TGFBRAP1: variants seen among roughly 807,000 people sequenced by gnomAD.
The protein encoded by TGFBRAP1 is transforming growth factor beta receptor associated protein 1, also known as transforming growth factor-beta receptor-associated protein 1.
A neutral mutation model predicts 83.2 loss-of-function variants in TGFBRAP1; 20 were observed. The observed-to-expected ratio is 0.24, with a 90% confidence interval of 0.17 to 0.35. TGFBRAP1 has a LOEUF of 0.35. Ranked by LOEUF, TGFBRAP1 falls within the 10% of genes least tolerant of loss-of-function variation. The probability of loss-of-function intolerance (pLI) is 1.00; values close to 1 mark genes in which losing one functional copy is unlikely to be tolerated. For synonymous variants in TGFBRAP1, 415 were observed against 459.8 expected (o/e 0.90, Z 1.25); for missense variants, 950 against 1,099.4 (o/e 0.86, Z 1.92).
At chr2:105,277,586 A>G in intron 7 of TGFBRAP1, 28 bp downstream of exon 7, 2 of 1,612,062 alleles carry the variant, frequency 1.2e-6, no homozygotes, top group South Asian at 2.2e-5. Context: ...CTGATTTTTA[A>G]ATCATGTGGA....
At chr2:105,272,826 A>G in intron 10 of TGFBRAP1, 29 bp downstream of exon 10, 1 of 1,602,612 alleles carries the variant, frequency 6.2e-7, no homozygotes, top group Non-Finnish European at 8.5e-7. Flanking sequence ...GTTTTTTCCA[A>G]AGGGAGACAA....
intron 1 of TGFBRAP1, among the ~76,000 whole-genome samples, chr2:105,317,261 A>C (rs1439492482): frequency 6.6e-6 from 1 of 152,072 alleles, no homozygotes; most frequent in Non-Finnish European, 1.5e-5. Context: ...ACATGGTGAA[A>C]CCCCATTTAC....
At chr2:105,316,420 A>AGTGTGTGTGTGTGTGTGT (rs71393002) in intron 1 of TGFBRAP1, among the ~76,000 whole-genome samples, 6 of 109,132 alleles carry the variant, frequency 5.5e-5, no homozygotes, top group South Asian at 3.5e-4. Context: ...AGGTATAGGG[A>AGTGTGTGTGTGTGTGTGT]GTGTGTGTGT....
chr2:105,291,652 G>C (rs1224198571), intron 4 of TGFBRAP1, among the ~76,000 whole-genome samples: 1 of 152,200 alleles, frequency 6.6e-6, no homozygotes. Flanking sequence ...ATTATGCTAA[G>C]AGAAATAAGC....
the TGFBRAP1 span, among the ~76,000 whole-genome samples, chr2:105,257,694 T>C: frequency 2.6e-5 from 4 of 152,352 alleles, no homozygotes; most frequent in South Asian, 2.1e-4. Context: ...ATGCATTTTA[T>C]ATAAAATTAG....
intron 1 of TGFBRAP1, among the ~76,000 whole-genome samples, chr2:105,322,479 C>G (rs1326590628): frequency 6.6e-6 from 1 of 152,218 alleles, no homozygotes; most frequent in Non-Finnish European, 1.5e-5. Context: ...ACTTCCAGTC[C>G]TGCGAGCTCC....
intron 1 of TGFBRAP1, among the ~76,000 whole-genome samples, chr2:105,314,249 CT>C (rs1198445714): frequency 0.15 from 17,660 of 118,512 alleles, 980 homozygotes; most frequent in East Asian, 0.41. Context: ...AGTACTTTCT[CT>C]TTTTTTTTTT....
chr2:105,321,096 G>A (rs1679045897), intron 1 of TGFBRAP1, among the ~76,000 whole-genome samples: 1 of 152,090 alleles, frequency 6.6e-6, no homozygotes, highest in African/African-American at 2.4e-5. Context: ...TTAGGCGTGA[G>A]TATCTTTCTT....
rs72823844 is a variant in TGFBRAP1, at chr2:105,275,516, C to A, written c.1665+44G>T. The A allele has an allele frequency of 3.5e-3, 5,562 of 1,604,310 alleles. 157 individuals carry two copies. The African/African-American group carries it at 0.06, about 17-fold the overall frequency. On this transcript the variant is annotated intron_variant, in intron 8 of 11. Transcript: ENST00000393359. ...CAAAGCTTTTGGGGTCTGTTTTTAC[C>A]ACCTCCCCCAACCAAAGAGAATGCA... is the stretch of plus-strand genomic sequence containing the variant.
At chr2:105,259,174 G>A in the TGFBRAP1 span, among the ~76,000 whole-genome samples, 1 of 152,244 alleles carries the variant, frequency 6.6e-6, no homozygotes, top group East Asian at 1.9e-4. Flanking sequence ...CAATGCAGGT[G>A]TGGAAATATG....
intron 1 of TGFBRAP1, among the ~76,000 whole-genome samples, chr2:105,314,252 T>G (rs1178640278): frequency 1.4e-5 from 2 of 143,662 alleles, no homozygotes; most frequent in Non-Finnish European, 3.0e-5. Flanking sequence ...ACTTTCTCTT[T>G]TTTTTTTTTT....
At chr2:105,291,319 T>C (rs1479654184) in intron 4 of TGFBRAP1, among the ~76,000 whole-genome samples, 4 of 152,162 alleles carry the variant, frequency 2.6e-5, no homozygotes, top group Admixed American at 2.6e-4. Flanking sequence ...ACTCCAAACG[T>C]ACAGACACCT....
chr2:105,267,980 G>T, intron 11 of TGFBRAP1: 1 of 724,548 alleles, frequency 1.4e-6, no homozygotes, highest in Non-Finnish European at 1.7e-6. Context: ...AATAAGGGAT[G>T]TAGTCAAAGT....
chr2:105,299,775 C>T (rs1054124951), intron 2 of TGFBRAP1, among the ~76,000 whole-genome samples: 1 of 151,960 alleles, frequency 6.6e-6, no homozygotes, highest in Non-Finnish European at 1.5e-5. Context: ...GTAACAAAGG[C>T]ATCCACGCAA....
At chr2:105,278,267 G>A (rs1677418125) in intron 6 of TGFBRAP1, among the ~76,000 whole-genome samples, 3 of 152,166 alleles carry the variant, frequency 2.0e-5, no homozygotes, top group African/African-American at 7.2e-5. Context: ...CACAGCTGGA[G>A]TTGCTTTACA....
In TGFBRAP1 at chr2:105,308,162, T is replaced by C. The variant is rs748051474; in HGVS notation, c.140A>G (p.Tyr47Cys). ...TGGCCTCTCCTCCAACAGGAAGTGG[T>C]AGACGAAGCAGTCGTTGGTGCCCAC... ...LYVGTNDCFV[Y>C]HFLLEERPVP... The change falls in exon 2 of 12, where the codon TAC becomes TGC. Residue 47 changes from tyrosine (Y) to cysteine (C), a missense_variant. By Grantham distance (194) the Tyr-to-Cys change is radical. Coordinates refer to ENST00000393359, the MANE Select transcript of TGFBRAP1 (RefSeq NM_004257.6). The C allele has an allele frequency of 9.9e-6, 16 of 1,614,028 alleles. No individual in the cohort carries two copies. The highest frequency in any genetic ancestry group is 3.3e-5 in the South Asian group (3 of 91,086).
intron 11 of TGFBRAP1, chr2:105,267,924 C>T: frequency 2.1e-6 from 2 of 971,256 alleles, no homozygotes; most frequent in East Asian, 1.1e-4. Context: ...AATAGTGTAA[C>T]TCCAGGGTTC....
At chr2:105,254,974 C>T in the TGFBRAP1 span, among the ~76,000 whole-genome samples, 1 of 152,278 alleles carries the variant, frequency 6.6e-6, no homozygotes, top group Admixed American at 6.5e-5. Context: ...TTCCAGCCTC[C>T]AGAACTGTGA....
At chr2:105,314,532 G>T (rs1408732107) in intron 1 of TGFBRAP1, among the ~76,000 whole-genome samples, 1 of 151,854 alleles carries the variant, frequency 6.6e-6, no homozygotes, top group East Asian at 2.0e-4. Context: ...TTACAGGCGT[G>T]AGCCACCGCG....
Sources: allele counts gnomAD v4.1 joint callset (sites outside exome capture counted in the v4.1 genomes callset), GRCh38; gene constraint gnomAD v4.1.1; transcripts MANE v1.5; gene names NCBI Gene and HGNC (gene_info 2026-07-23, HGNC 2026-07-21).